CADPS: variants seen among roughly 807,000 people sequenced by gnomAD.
CADPS encodes calcium-dependent secretion activator 1.
In CADPS, 57 loss-of-function variants were observed where a neutral mutation model predicts 167.3. The observed-to-expected ratio is 0.34, with a 90% CI of 0.28 to 0.42. CADPS has a LOEUF of 0.42. Ranked by LOEUF, CADPS falls within the 20% of genes least tolerant of loss-of-function variation. The probability of loss-of-function intolerance (pLI) is 1.00; values close to 1 mark genes in which losing one functional copy is unlikely to be tolerated. For missense variants in CADPS, 1,414 were observed against 1,738.1 expected, an observed-to-expected ratio of 0.81 and a Z score of 3.32; for synonymous variants, 676 against 635.3, an observed-to-expected ratio of 1.06 and a Z score of -0.96.
chr3:62,426,934 G>A (rs2052841249), intron 28 of CADPS, among the ~76,000 whole-genome samples: 1 of 151,674 alleles, frequency 6.6e-6, no homozygotes, highest in South Asian at 2.1e-4. Context: ...AATTAGCTGG[G>A]CATGGTGGCA....
intron 11 of CADPS, 80 bp downstream of exon 11, chr3:62,549,823 C>A: frequency 1.8e-6 from 2 of 1,089,640 alleles, no homozygotes; most frequent in Non-Finnish European, 2.7e-6. Context: ...AGTATAAAAG[C>A]AACTAGGTTT....
chr3:62,712,432 C>A (rs1446814083), intron 3 of CADPS, among the ~76,000 whole-genome samples: 21 of 152,160 alleles, frequency 1.4e-4, no homozygotes, highest in Non-Finnish European at 2.9e-5. Flanking sequence ...ATATTCATTT[C>A]TTTGTGTACT....
At chr3:62,786,049 C>G (rs1056598697) in intron 1 of CADPS, among the ~76,000 whole-genome samples, 5 of 151,586 alleles carry the variant, frequency 3.3e-5, no homozygotes, top group Non-Finnish European at 5.9e-5. Flanking sequence ...CCCGTCTCTA[C>G]TAAAAATACA....
intron 4 of CADPS, among the ~76,000 whole-genome samples, chr3:62,653,283 C>T (rs946950725): frequency 2.6e-5 from 4 of 152,030 alleles, no homozygotes; most frequent in Non-Finnish European, 4.4e-5. Context: ...GAACTAGTGC[C>T]TGTATAAAGG....
chr3:62,861,264 C>G (rs1396589231), intron 1 of CADPS, among the ~76,000 whole-genome samples: 2 of 152,120 alleles, frequency 1.3e-5, no homozygotes, highest in South Asian at 2.1e-4. Context: ...GTTTTTGCAC[C>G]TGCAGGGGCA....
At chr3:62,534,479 G>C (rs2152007384) in intron 12 of CADPS, among the ~76,000 whole-genome samples, 1 of 152,280 alleles carries the variant, frequency 6.6e-6, no homozygotes. Context: ...TCGAGGCAGT[G>C]GGCTGCCCCT....
chr3:62,710,415 T>C (rs945882019), intron 3 of CADPS, among the ~76,000 whole-genome samples: 12 of 152,000 alleles, frequency 7.9e-5, no homozygotes, highest in African/African-American at 2.9e-4. Flanking sequence ...AAAAAAAATC[T>C]GAGATAAACC....
intron 3 of CADPS, among the ~76,000 whole-genome samples, chr3:62,668,845 G>A (rs370507931): frequency 2.0e-5 from 3 of 152,134 alleles, no homozygotes; most frequent in East Asian, 1.9e-4. Flanking sequence ...ACTAGCTACA[G>A]GACTGAGTTA....
chr3:62,768,473 T>C (rs1033853580), intron 1 of CADPS, among the ~76,000 whole-genome samples: 3 of 152,206 alleles, frequency 2.0e-5, no homozygotes, highest in African/African-American at 4.8e-5. Context: ...ATGATCAAGA[T>C]TGATTGTTGA....
chr3:62,772,338 G>T (rs1037218373), intron 1 of CADPS, among the ~76,000 whole-genome samples: 1 of 152,212 alleles, frequency 6.6e-6, no homozygotes, highest in African/African-American at 2.4e-5. Context: ...TTGCTATTAT[G>T]GGTGGCCATG....
intron 1 of CADPS, among the ~76,000 whole-genome samples, chr3:62,836,164 C>A (rs1402269034): frequency 6.6e-6 from 1 of 152,182 alleles, no homozygotes; most frequent in Non-Finnish European, 1.5e-5. Context: ...GTGAATCCGA[C>A]ATGCAGCTAA....
At chr3:62,583,430 G>A (rs2083888045) in intron 8 of CADPS, among the ~76,000 whole-genome samples, 1 of 152,096 alleles carries the variant, frequency 6.6e-6, no homozygotes, top group African/African-American at 2.4e-5. Flanking sequence ...AAGGAAGAAC[G>A]GTAGACCTCA....
At chr3:62,854,740 A>C (rs1170176731) in intron 1 of CADPS, among the ~76,000 whole-genome samples, 1 of 152,322 alleles carries the variant, frequency 6.6e-6, no homozygotes, top group East Asian at 1.9e-4. Flanking sequence ...TGAGCCTGAA[A>C]AATATTTCCT....
intron 24 of CADPS, among the ~76,000 whole-genome samples, chr3:62,468,094 ACTC>A (rs2060153777): frequency 6.6e-6 from 1 of 152,128 alleles, no homozygotes; most frequent in Non-Finnish European, 1.5e-5. Context: ...AAAGGAATTT[ACTC>A]CTAAGTGGCA....
chr3:62,468,771 CT>C (rs564934861), intron 24 of CADPS, among the ~76,000 whole-genome samples: 2 of 152,118 alleles, frequency 1.3e-5, no homozygotes, highest in African/African-American at 2.4e-5. Context: ...ATGAACGTTG[CT>C]TTTTTTCTGC....
chr3:62,576,868 G>A (rs2082391034), intron 8 of CADPS, among the ~76,000 whole-genome samples: 1 of 149,612 alleles, frequency 6.7e-6, no homozygotes, highest in Admixed American at 6.7e-5. Context: ...CTGTTGGGAA[G>A]GAAAGTGAGG....
rs960553439 is a variant in CADPS, at chr3:62,630,063, T to A, written c.1325+15659A>T. On this transcript the variant is annotated intron_variant, in intron 6 of 29. Transcript: ENST00000383710. The stretch of plus-strand genomic sequence containing the variant: ...TATTTCATTTGTTTACATACTTTTT[T>A]TTGGTCTCCACCCACTAGAATATAG... Among the ~76,000 whole-genome samples, 231 of 152,292 alleles carry A rather than the reference T, an allele frequency of 1.5e-3. 1 individual carries two copies. The highest frequency in any genetic ancestry group is 3.0e-3 in the Non-Finnish European group (201 of 68,020).
At chr3:62,452,988 C>G (rs1399958587) in intron 26 of CADPS, among the ~76,000 whole-genome samples, 1 of 151,940 alleles carries the variant, frequency 6.6e-6, no homozygotes, top group Non-Finnish European at 1.5e-5. Context: ...AAAAAATTAG[C>G]CAGGTGTGGT....
At chr3:62,853,635 A>AAAAAAG (rs1553771031) in intron 1 of CADPS, among the ~76,000 whole-genome samples, 145 of 150,500 alleles carry the variant, frequency 9.6e-4, no homozygotes, top group African/African-American at 3.3e-3. Flanking sequence ...AAAAAAAAAA[A>AAAAAAG]AAAAGAAAAG....
Sources: gnomAD v4.1 joint callset for allele counts (sites outside exome capture counted in the v4.1 genomes callset) on GRCh38, gnomAD v4.1.1 for gene constraint, MANE v1.5 for transcripts, NCBI Gene and HGNC (gene_info 2026-07-23, HGNC 2026-07-21) for gene names.